Variants in ERBIN observed in about 807,000 individuals in gnomAD.
ERBIN encodes the protein densin-180-like protein.
In ERBIN, 60 loss-of-function variants were observed where a neutral mutation model predicts 158.4. The ratio of observed to expected loss-of-function variants is 0.38; its 90% confidence interval spans 0.31 to 0.47. The LOEUF (loss-of-function observed/expected upper bound fraction) is 0.47, where lower values mean the gene tolerates loss of function less well. Among genes scored for constraint, ERBIN ranks in the 20% least tolerant of loss-of-function variants. The pLI is 0.99. For synonymous variants in ERBIN, 594 were observed against 557.2 expected (o/e 1.07, Z -0.93); for missense variants, 1,610 against 1,648.0 (o/e 0.98, Z 0.40).
At chr5:65,939,560 CT>C (rs1379218677) in intron 1 of ERBIN, among the ~76,000 whole-genome samples, 1 of 152,098 alleles carries the variant, frequency 6.6e-6, no homozygotes, top group African/African-American at 2.4e-5. Context: ...CACGGTCTCC[CT>C]CTCCCTCTCT....
intron 14 of ERBIN, among the ~76,000 whole-genome samples, chr5:66,030,590 T>C: frequency 7.5e-6 from 1 of 133,406 alleles, no homozygotes; most frequent in East Asian, 2.2e-4. Context: ...TGCGGCGGGG[T>C]CTTACTCTGT....
intron 20 of ERBIN, among the ~76,000 whole-genome samples, chr5:66,051,697 G>T (rs1759033831): frequency 6.6e-6 from 1 of 151,872 alleles, no homozygotes. Flanking sequence ...TTCGAGACCA[G>T]CCTTGGCAAC....
chr5:65,983,135 T>C (rs544062473), intron 1 of ERBIN, among the ~76,000 whole-genome samples: 126 of 152,370 alleles, frequency 8.3e-4, no homozygotes, highest in African/African-American at 2.9e-3. Flanking sequence ...AATACATTTT[T>C]AGACATGTTT....
intron 1 of ERBIN, among the ~76,000 whole-genome samples, chr5:65,958,399 A>C (rs1747506021): frequency 6.6e-6 from 1 of 152,186 alleles, no homozygotes; most frequent in African/African-American, 2.4e-5. Flanking sequence ...CTGGCAGATC[A>C]CTCGCGGTTA....
chr5:65,989,589 A>G (rs1231252582), intron 2 of ERBIN, among the ~76,000 whole-genome samples: 1 of 152,190 alleles, frequency 6.6e-6, no homozygotes, highest in African/African-American at 2.4e-5. Flanking sequence ...TCTACAGAAA[A>G]AAAAATCGGA....
intron 1 of ERBIN, among the ~76,000 whole-genome samples, chr5:65,928,803 A>AT (rs1370540777): frequency 1.3e-5 from 2 of 152,214 alleles, no homozygotes; most frequent in African/African-American, 4.8e-5. Flanking sequence ...TTGTGAAACT[A>AT]TAAGTATTTT....
At chr5:66,048,866 A>T in intron 19 of ERBIN, 85 bp downstream of exon 19, 1 of 748,952 alleles carries the variant, frequency 1.3e-6, no homozygotes, top group Non-Finnish European at 2.1e-6. Flanking sequence ...ATTGAATATT[A>T]TGTTATTTGA....
chr5:65,977,289 G>A (rs544233390), intron 1 of ERBIN, among the ~76,000 whole-genome samples: 10 of 147,414 alleles, frequency 6.8e-5, no homozygotes, highest in East Asian at 4.1e-4. Context: ...CTGGCCGGGC[G>A]GGGGGCTGAC....
Position 66,054,695 on chromosome 5 carries a change from C to T in ERBIN, c.3377C>T (p.Pro1126Leu). Residue 1126 changes from proline to leucine, a missense_variant, in exon 21 of 26, where the codon CCC (proline) becomes CTC (leucine). This residue lies in a region of ERBIN where 1,014 missense variants were observed against 936.1 expected (regional missense o/e 1.08). Transcript: ENST00000284037. ...CCAATGATGCCAGGATCACAGAGAC[C>T]CCTTTCTGCACGAACATACAGCATA... is the stretch of plus-strand genomic sequence containing the variant. ...TPPMMPGSQR[P>L]LSARTYSIDG... The T allele has an allele frequency of 6.2e-7, 1 of 1,614,016 alleles. No individual in the cohort carries two copies. The highest frequency in any genetic ancestry group is 1.1e-5 in the South Asian group (1 of 91,078).
intron 21 of ERBIN, among the ~76,000 whole-genome samples, chr5:66,059,633 C>T (rs1161756701): frequency 2.0e-5 from 3 of 152,162 alleles, no homozygotes; most frequent in African/African-American, 7.2e-5. Context: ...AAAGGGAATG[C>T]TTCCAGTTTT....
At position 66,026,471 on chromosome 5, in the gene ERBIN, A is replaced by AT. The variant is rs1380706637; in HGVS notation, c.1136+56dup. The AT allele has an allele frequency of 3.1e-5, 29 of 945,388 alleles. No homozygotes were observed. The African/African-American group carries it at 4.8e-4, about 16-fold the overall frequency. 58.6% of individuals were successfully genotyped at this position (945,388 alleles called of 1,614,324 possible). A position where few individuals can be genotyped will look rare whatever the true frequency, so the allele number is the denominator to read the frequency against. On this transcript the variant is annotated intron_variant, in intron 13 of 25. Transcript: ENST00000284037. ...TTATAGGAGACATTGGTTAGATGAA[A>AT]TTAAGTTTCATATGATATATAATAG... is the stretch of plus-strand genomic sequence containing the variant.
chr5:65,964,845 C>T (rs1748351408), intron 1 of ERBIN, among the ~76,000 whole-genome samples: 1 of 146,294 alleles, frequency 6.8e-6, no homozygotes, highest in South Asian at 2.2e-4. Context: ...CAGGTTCAAG[C>T]GATTCTGCCT....
At chr5:66,003,547 T>C (rs1159188243) in intron 4 of ERBIN, among the ~76,000 whole-genome samples, 2 of 152,198 alleles carry the variant, frequency 1.3e-5, no homozygotes, top group Non-Finnish European at 2.9e-5. Context: ...CAGTCACTTA[T>C]TATCTGGGAA....
chr5:66,053,457 C>T lies in ERBIN; in HGVS notation c.2139C>T (p.Asn713=). 1 of 1,564,830 alleles carries T rather than the reference C, an allele frequency of 6.4e-7. No homozygotes were observed. Among genetic ancestry groups the T allele is most frequent in the Non-Finnish European group, 8.6e-7 (1 of 1,162,788 alleles). The change falls in exon 21 of 26, where the codon AAC becomes AAT. Residue 713 remains asparagine (N), a synonymous_variant. Coordinates refer to ENST00000284037, the MANE Select transcript of ERBIN (RefSeq NM_001253697.2). ...NSLLQNGDIL[N]SSTEEKFKAH... is the part of the protein sequence containing the mutation. The stretch of plus-strand genomic sequence containing the variant: ...TTTTACAAAATGGAGATATTTTAAA[C>T]AGTTCAACAGAGGAAAAGTTCAAAG...
At chr5:66,072,375 G>A (rs1363756456) in intron 22 of ERBIN, 84 bp downstream of exon 22, 5 of 1,344,856 alleles carry the variant, frequency 3.7e-6, no homozygotes, top group Non-Finnish European at 3.9e-6. Context: ...ATGTGCTTTA[G>A]ATGAAAATAC....
In ERBIN at chr5:66,024,309, A is replaced by G. The variant is rs1277870577; in HGVS notation, c.676A>G (p.Ile226Val). The G allele has an allele frequency of 1.3e-6, 2 of 1,509,196 alleles. No individual in the cohort carries two copies. The highest frequency in any genetic ancestry group is 2.3e-5 in the East Asian group (1 of 43,798). 93.5% of individuals were successfully genotyped at this position (1,509,196 alleles called of 1,614,324 possible). The change falls in exon 10 of 26, where the codon ATT (isoleucine) becomes GTT (valine). Residue 226 changes from isoleucine (I) to valine (V), a missense_variant. Transcript: ENST00000284037. Reference sequence around the variant, plus strand: ...GATTTTCTTTTTTTACTTATAGTTTATTGGTAGTTTGAAACAGCTCACATA... The same window carrying G: ...GATTTTCTTTTTTTACTTATAGTTTGTTGGTAGTTTGAAACAGCTCACATA... The part of the protein sequence containing the change: ...ANRLTFIPGF[I>V]GSLKQLTYLD...
chr5:66,027,558 T>C (rs757996738), intron 13 of ERBIN, among the ~76,000 whole-genome samples: 4 of 152,026 alleles, frequency 2.6e-5, no homozygotes, highest in Non-Finnish European at 5.9e-5. Context: ...GTGTACCAAC[T>C]TTCCCATTGT....
At chr5:66,070,003 T>C (rs1451463891) in intron 21 of ERBIN, among the ~76,000 whole-genome samples, 1 of 152,186 alleles carries the variant, frequency 6.6e-6, no homozygotes, top group Non-Finnish European at 1.5e-5. Context: ...TGGCAGCAGT[T>C]ACGTTGAAAC....
At chr5:66,023,264 G>C (rs1239142973) in intron 8 of ERBIN, 26 bp from the exon 9 acceptor site, 1 of 1,565,564 alleles carries the variant, frequency 6.4e-7, no homozygotes, top group Non-Finnish European at 8.8e-7. Flanking sequence ...TTGAATTACT[G>C]CTATCCCCTA....
Sources: allele counts gnomAD v4.1 joint callset (sites outside exome capture counted in the v4.1 genomes callset), GRCh38; gene constraint gnomAD v4.1.1; regional missense constraint gnomAD v4.1.1; transcripts MANE v1.5; gene names NCBI Gene and HGNC (gene_info 2026-07-23, HGNC 2026-07-21).